The following DLGAP2 variants were observed in gnomAD, a reference collection of about 807,000 sequenced individuals.
DLGAP2 encodes the protein disks large-associated protein 2.
A neutral mutation model predicts 100.3 loss-of-function variants in DLGAP2; 26 were observed. The observed-to-expected ratio is 0.26, with a 90% CI of 0.19 to 0.36. The LOEUF is 0.36. Among genes scored for constraint, DLGAP2 ranks in the 10% least tolerant of loss-of-function variants. DLGAP2 has a pLI of 1.00. For synonymous variants in DLGAP2, 886 were observed against 630.1 expected, an observed-to-expected ratio of 1.41 and a Z score of -6.08; for missense variants, 1,858 against 1,453.2, an observed-to-expected ratio of 1.28 and a Z score of -4.53.
chr8:1,662,372 T>G (rs546133297), intron 8 of DLGAP2, among the ~76,000 whole-genome samples: 5 of 152,354 alleles, frequency 3.3e-5, no homozygotes, highest in Admixed American at 2.0e-4. Context: ...TTTGATTTTT[T>G]GTTTTTAGGA....
chr8:943,481 C>T (rs954355331), intron 2 of DLGAP2, among the ~76,000 whole-genome samples: 16 of 152,272 alleles, frequency 1.1e-4, no homozygotes, highest in Admixed American at 8.5e-4. Flanking sequence ...CGTCATGACG[C>T]GGCCATCCCG....
At position 1,341,418 on chromosome 8, in the gene DLGAP2, T is replaced by G. The variant is rs192449038; in HGVS notation, c.106+82535T>G. Among the ~76,000 whole-genome samples the G allele has an allele frequency of 4.0e-3, 614 of 152,326 alleles. 2 individuals are homozygous for G. The highest frequency in any genetic ancestry group is 6.9e-3 in the Non-Finnish European group (472 of 68,038). On this transcript the variant is annotated intron_variant, in intron 3 of 14. Coordinates refer to ENST00000637795, the MANE Select transcript of DLGAP2 (RefSeq NM_001346810.2). ...ACCCAGAAATTATTCATAGCCAAAT[T>G]GTTATTGAACGTTAGCTTCATAAAT... is the stretch of plus-strand genomic sequence containing the variant.
intron 3 of DLGAP2, among the ~76,000 whole-genome samples, chr8:1,323,882 G>A (rs1800963624): frequency 6.6e-6 from 1 of 152,216 alleles, no homozygotes; most frequent in Non-Finnish European, 1.5e-5. Flanking sequence ...GGCATTTCAT[G>A]GATCACGTTT....
At chr8:1,465,500 T>G (rs1006605758) in intron 3 of DLGAP2, among the ~76,000 whole-genome samples, 6 of 151,762 alleles carry the variant, frequency 4.0e-5, no homozygotes, top group Admixed American at 1.3e-4. Context: ...GCACCCATGT[T>G]TGGTGGTTTA....
Position 1,548,622 on chromosome 8 carries a change from A to C in DLGAP2, c.173-4A>C, listed in dbSNP as rs2906569. 1 of 1,499,812 alleles carries C rather than the reference A, an allele frequency of 6.7e-7. No homozygotes were observed. The highest frequency in any genetic ancestry group is 8.9e-7 in the Non-Finnish European group (1 of 1,125,944). 92.9% of individuals were successfully genotyped at this position (1,499,812 alleles called of 1,614,324 possible). Reference sequence around the variant, plus strand: ...TGTTCAATGCCGTTTCTGTTTCCCCACAGACCCGCAGTACTCATGGTCGCC... The same window carrying C: ...TGTTCAATGCCGTTTCTGTTTCCCCCCAGACCCGCAGTACTCATGGTCGCC... On this transcript the variant is annotated splice_polypyrimidine_tract_variant and splice_region_variant and intron_variant, in intron 4 of 14. Transcript: ENST00000637795.
At chr8:1,610,020 G>A (rs1364198553) in intron 6 of DLGAP2, among the ~76,000 whole-genome samples, 2 of 151,912 alleles carry the variant, frequency 1.3e-5, no homozygotes, top group Admixed American at 6.5e-5. Flanking sequence ...ATTGAACTCA[G>A]CTCTGTACCA....
At chr8:985,924 C>T (rs1268610193) in intron 2 of DLGAP2, among the ~76,000 whole-genome samples, 3 of 152,050 alleles carry the variant, frequency 2.0e-5, no homozygotes, top group Non-Finnish European at 4.4e-5. Flanking sequence ...GGGCCTCCCT[C>T]CCTGAAGATG....
At chr8:1,540,968 C>G (rs1464886992) in intron 4 of DLGAP2, among the ~76,000 whole-genome samples, 1 of 152,322 alleles carries the variant, frequency 6.6e-6, no homozygotes, top group East Asian at 1.9e-4. Context: ...ATCGTTTCCA[C>G]AGAATTCGGC....
At chr8:1,405,440 T>A (rs112531663) in intron 3 of DLGAP2, among the ~76,000 whole-genome samples, 12 of 4,426 alleles carry the variant, frequency 2.7e-3, no homozygotes, top group African/African-American at 4.1e-3. Context: ...CTCGTCCTCC[T>A]GAGTCGTGTA....
At chr8:1,054,220 GCA>G (rs1052143434) in intron 2 of DLGAP2, among the ~76,000 whole-genome samples, 3 of 151,656 alleles carry the variant, frequency 2.0e-5, no homozygotes, top group South Asian at 4.2e-4. Context: ...ACACGCATGC[GCA>G]CACACATGTA....
At chr8:1,002,734 G>T (rs1800996279) in intron 2 of DLGAP2, 1 of 152,382 alleles carries the variant, frequency 6.6e-6, no homozygotes, top group Non-Finnish European at 1.5e-5. Context: ...AGAAGTCGTG[G>T]ATGATACCAG....
At chr8:872,679 A>G (rs1047799912) in intron 1 of DLGAP2, among the ~76,000 whole-genome samples, 3 of 152,152 alleles carry the variant, frequency 2.0e-5, no homozygotes, top group Admixed American at 2.0e-4. Flanking sequence ...CATATACCCC[A>G]TACTACTCAC....
At chr8:802,561 T>C (rs1796192401) in intron 1 of DLGAP2, among the ~76,000 whole-genome samples, 1 of 152,160 alleles carries the variant, frequency 6.6e-6, no homozygotes, top group Admixed American at 6.5e-5. Flanking sequence ...TCCAGCTCTG[T>C]GCCAGGCGCT....
intron 2 of DLGAP2, among the ~76,000 whole-genome samples, chr8:1,206,188 G>A (rs1387303516): frequency 1.3e-5 from 2 of 152,184 alleles, no homozygotes; most frequent in African/African-American, 2.4e-5. Context: ...GTAGGTACAA[G>A]TGCCAGGCTG....
chr8:1,576,358 C>A (rs990500509), intron 6 of DLGAP2, among the ~76,000 whole-genome samples: 3 of 152,084 alleles, frequency 2.0e-5, no homozygotes, highest in Non-Finnish European at 4.4e-5. Context: ...TTTGTAGATT[C>A]TGGATATTAG....
At chr8:1,547,161 C>T (rs560702541) in intron 4 of DLGAP2, among the ~76,000 whole-genome samples, 20 of 152,214 alleles carry the variant, frequency 1.3e-4, no homozygotes, top group Middle Eastern at 6.8e-3. Context: ...CAGGGACGTG[C>T]GGACCGTGGG....
chr8:1,373,021 G>A (rs1222342600), intron 3 of DLGAP2, among the ~76,000 whole-genome samples: 1 of 152,164 alleles, frequency 6.6e-6, no homozygotes. Context: ...TAGTTGAGCC[G>A]TCCTTGAAGA....
intron 3 of DLGAP2, among the ~76,000 whole-genome samples, chr8:1,460,072 G>C (rs761554529): frequency 6.6e-6 from 1 of 152,234 alleles, no homozygotes; most frequent in Non-Finnish European, 1.5e-5. Flanking sequence ...CCCATGTCAA[G>C]AACACGTGCA....
intron 1 of DLGAP2, among the ~76,000 whole-genome samples, chr8:863,759 C>G (rs188807257): frequency 2.0e-5 from 3 of 152,180 alleles, no homozygotes; most frequent in Non-Finnish European, 4.4e-5. Flanking sequence ...GAGGGGAACT[C>G]TTACACGCTG....
Sources: allele counts gnomAD v4.1 joint callset (sites outside exome capture counted in the v4.1 genomes callset), GRCh38; gene constraint gnomAD v4.1.1; transcripts MANE v1.5; gene names NCBI Gene and HGNC (gene_info 2026-07-23, HGNC 2026-07-21).